Variants in MACROD2 observed in about 807,000 individuals in gnomAD.
MACROD2 encodes mono-ADP ribosylhydrolase 2.
Under a neutral mutation model 70.4 loss-of-function variants are expected in MACROD2, and 36 were observed. That is an observed-to-expected ratio of 0.51 (90% CI 0.39 to 0.68). The LOEUF is 0.68. Ranked by LOEUF, MACROD2 falls within the 30% of genes least tolerant of loss-of-function variation. The pLI, the probability that MACROD2 is intolerant of heterozygous loss-of-function variation, is 0.00. For missense variants in MACROD2, 496 were observed against 538.4 expected (o/e 0.92, Z 0.78); for synonymous variants, 172 against 178.8 (o/e 0.96, Z 0.30).
chr20:14,242,462 A>G (rs1301519485), intron 3 of MACROD2, among the ~76,000 whole-genome samples: 2 of 152,176 alleles, frequency 1.3e-5, no homozygotes, highest in Admixed American at 6.5e-5. Context: ...AAGTATACAT[A>G]TCTACTTTAG....
rs113262056 is a variant in MACROD2 at position 14,925,016 on chromosome 20, A to ATT, written c.418+240067_418+240068dup. On this transcript the variant is annotated intron_variant, in intron 5 of 17. Coordinates refer to ENST00000684519, the MANE Select transcript of MACROD2 (RefSeq NM_001351661.2). ...TTTCTGTGTATAAGGTATTGGCACAATTTTTTTTTTTCTTATTCACTTCTC... is the reference window on the plus strand; with the variant it reads ...TTTCTGTGTATAAGGTATTGGCACAATTTTTTTTTTTTTCTTATTCACTTCTC... 1.6e-3 allele frequency among the ~76,000 whole-genome samples: 245 copies of ATT among 148,820 alleles called. 1 individual carries two copies. Among genetic ancestry groups the ATT allele is most frequent in the Admixed American group, 3.0e-3 (45 of 14,866 alleles).
intron 8 of MACROD2, among the ~76,000 whole-genome samples, chr20:15,824,505 G>A (rs997958606): frequency 6.6e-6 from 1 of 152,108 alleles, no homozygotes; most frequent in African/African-American, 2.4e-5. Context: ...GGAAAGCAAA[G>A]TATTTTTTCT....
At chr20:15,949,195 C>T (rs1273864452) in intron 12 of MACROD2, among the ~76,000 whole-genome samples, 1 of 152,146 alleles carries the variant, frequency 6.6e-6, no homozygotes, top group Non-Finnish European at 1.5e-5. Flanking sequence ...ATTTATATCA[C>T]AGGGTTGCTA....
At chr20:14,896,021 G>T (rs1243871241) in intron 5 of MACROD2, among the ~76,000 whole-genome samples, 1 of 152,218 alleles carries the variant, frequency 6.6e-6, no homozygotes, top group East Asian at 1.9e-4. Flanking sequence ...AATAGGCCGG[G>T]TGCTGTGGCT....
intron 8 of MACROD2, among the ~76,000 whole-genome samples, chr20:15,685,547 C>G (rs1170519747): frequency 2.0e-5 from 3 of 152,138 alleles, no homozygotes; most frequent in Admixed American, 1.3e-4. Context: ...TGAATGATTC[C>G]CAAGAACCTA....
chr20:14,466,419 C>T (rs960107565), intron 3 of MACROD2, among the ~76,000 whole-genome samples: 1 of 152,020 alleles, frequency 6.6e-6, no homozygotes, highest in African/African-American at 2.4e-5. Flanking sequence ...ATTGGTTATT[C>T]TAGTTATCCA....
chr20:15,370,763 A>G (rs2045480654), intron 6 of MACROD2, among the ~76,000 whole-genome samples: 1 of 152,068 alleles, frequency 6.6e-6, no homozygotes, highest in Admixed American at 6.6e-5. Context: ...AGCTCTTTAC[A>G]ATAAGACCAC....
intron 3 of MACROD2, among the ~76,000 whole-genome samples, chr20:14,250,198 G>T (rs1464415881): frequency 6.6e-6 from 1 of 151,912 alleles, no homozygotes; most frequent in Admixed American, 6.6e-5. Context: ...ACCTCCTCTG[G>T]GCTGTATGTG....
intron 8 of MACROD2, among the ~76,000 whole-genome samples, chr20:15,635,380 G>A (rs1237213379): frequency 1.3e-5 from 2 of 152,280 alleles, no homozygotes; most frequent in Non-Finnish European, 2.9e-5. Context: ...GGCAGAAACT[G>A]TAATATGTCC....
intron 3 of MACROD2, among the ~76,000 whole-genome samples, chr20:14,181,646 C>T (rs1475743909): frequency 6.6e-6 from 1 of 152,112 alleles, no homozygotes; most frequent in East Asian, 1.9e-4. Flanking sequence ...TCCCATTTCC[C>T]CTCCTCCAGC....
At chr20:15,704,307 G>A (rs958267463) in intron 8 of MACROD2, among the ~76,000 whole-genome samples, 53 of 151,888 alleles carry the variant, frequency 3.5e-4, no homozygotes, top group African/African-American at 1.3e-3. Context: ...ACACATTTTA[G>A]CAGTTACTCA....
At chr20:15,948,891 C>T (rs988184180) in intron 12 of MACROD2, among the ~76,000 whole-genome samples, 3 of 152,134 alleles carry the variant, frequency 2.0e-5, no homozygotes, top group African/African-American at 7.2e-5. Flanking sequence ...GACTTGTAAA[C>T]AAAATCATCC....
intron 8 of MACROD2, among the ~76,000 whole-genome samples, chr20:15,844,151 A>G (rs922217342): frequency 2.0e-5 from 3 of 152,054 alleles, no homozygotes; most frequent in Non-Finnish European, 4.4e-5. Flanking sequence ...GCTGTTGCCA[A>G]TAAAGGGACT....
chr20:14,177,801 A>G (rs1174264777), intron 3 of MACROD2, among the ~76,000 whole-genome samples: 1 of 152,214 alleles, frequency 6.6e-6, no homozygotes, highest in Non-Finnish European at 1.5e-5. Context: ...GAAGAACTAG[A>G]TCACCATTTG....
At chr20:14,559,819 G>A (rs115558227) in intron 4 of MACROD2, among the ~76,000 whole-genome samples, 2,669 of 151,828 alleles carry the variant, frequency 0.018, 78 homozygotes, top group African/African-American at 0.061. Context: ...TACCCTTTGG[G>A]AAATACCAGG....
chr20:15,990,067 C>T (rs573007128), intron 15 of MACROD2, among the ~76,000 whole-genome samples: 3 of 152,196 alleles, frequency 2.0e-5, no homozygotes, highest in South Asian at 2.1e-4. Flanking sequence ...CACAATAGCA[C>T]AGTGGACATG....
intron 5 of MACROD2, among the ~76,000 whole-genome samples, chr20:15,127,004 A>G (rs1204691486): frequency 6.6e-6 from 1 of 152,074 alleles, no homozygotes; most frequent in Non-Finnish European, 1.5e-5. Flanking sequence ...ATTGTTTCTA[A>G]ATTTTCTATA....
chr20:15,062,937 C>T (rs1568555044), intron 5 of MACROD2, among the ~76,000 whole-genome samples: 1 of 152,240 alleles, frequency 6.6e-6, no homozygotes, highest in Non-Finnish European at 1.5e-5. Flanking sequence ...ATTGCCAGCA[C>T]TGCTCGGCCT....
chr20:15,546,278 G>T (rs1414042819), intron 8 of MACROD2, among the ~76,000 whole-genome samples: 1 of 152,160 alleles, frequency 6.6e-6, no homozygotes, highest in Non-Finnish European at 1.5e-5. Flanking sequence ...GACTTCACAT[G>T]ATAGCTAACA....
Sources: allele counts gnomAD v4.1 joint callset (sites outside exome capture counted in the v4.1 genomes callset), GRCh38; gene constraint gnomAD v4.1.1; transcripts MANE v1.5; gene names NCBI Gene and HGNC (gene_info 2026-07-23, HGNC 2026-07-21).